The following POC1A variants were observed in gnomAD, a reference collection of about 807,000 sequenced individuals.
The protein encoded by POC1A is POC1 centriolar protein homolog A.
POC1A carries 34 observed loss-of-function variants against 47.8 expected under a neutral mutation model. That is an observed-to-expected ratio of 0.71 (90% confidence interval 0.54 to 0.95). The LOEUF is 0.95. Ranked by LOEUF, POC1A falls within the 40% of genes least tolerant of loss-of-function variation. The pLI is 0.00. For missense variants in POC1A, 466 were observed against 528.3 expected, an observed-to-expected ratio of 0.88 and a Z score of 1.16; for synonymous variants, 177 against 207.6, an observed-to-expected ratio of 0.85 and a Z score of 1.27.
intron 7 of POC1A, among the ~76,000 whole-genome samples, chr3:52,134,980 C>A (rs927704367): frequency 7.9e-5 from 12 of 152,190 alleles, no homozygotes; most frequent in Non-Finnish European, 1.5e-4. Flanking sequence ...CACATCGCCA[C>A]CTCCCAGAAC....
intron 10 of POC1A, among the ~76,000 whole-genome samples, chr3:52,077,017 C>A (rs1245088566): frequency 6.6e-6 from 1 of 152,282 alleles, no homozygotes; most frequent in African/African-American, 2.4e-5. Flanking sequence ...CAAAGAGGGG[C>A]TGGACCAGAG....
intron 7 of POC1A, among the ~76,000 whole-genome samples, chr3:52,131,678 G>A (rs534127925): frequency 2.6e-5 from 4 of 152,326 alleles, no homozygotes; most frequent in Admixed American, 1.3e-4. Flanking sequence ...GGCAGCTGGT[G>A]GGGACACGAG....
At chr3:52,132,649 G>A (rs1704262537) in intron 7 of POC1A, among the ~76,000 whole-genome samples, 1 of 152,166 alleles carries the variant, frequency 6.6e-6, no homozygotes, top group Non-Finnish European at 1.5e-5. Context: ...CAGGACTGCA[G>A]GAGAGAAGCA....
chr3:52,152,970 CAG>C (rs1698604225), intron 1 of POC1A, among the ~76,000 whole-genome samples: 1 of 152,064 alleles, frequency 6.6e-6, no homozygotes, highest in South Asian at 2.1e-4. Context: ...TCTATAGAGA[CAG>C]AAAGTATTAA....
intron 9 of POC1A, among the ~76,000 whole-genome samples, chr3:52,117,759 C>A (rs554613060): frequency 2.6e-4 from 40 of 152,238 alleles, no homozygotes; most frequent in Middle Eastern, 3.4e-3. Flanking sequence ...CCCCACCCAG[C>A]GCAACCTTTC....
intron 9 of POC1A, among the ~76,000 whole-genome samples, chr3:52,113,620 TG>T (rs777692223): frequency 3.9e-5 from 6 of 152,160 alleles, no homozygotes; most frequent in Non-Finnish European, 8.8e-5. Flanking sequence ...GAGAATCGCT[TG>T]AACTCGGGAG....
chr3:52,139,895 A>T (rs1260542635), intron 6 of POC1A, among the ~76,000 whole-genome samples: 1 of 152,208 alleles, frequency 6.6e-6, no homozygotes, highest in Non-Finnish European at 1.5e-5. Context: ...TGCATGGATC[A>T]GCTGTATCAC....
At chr3:52,086,517 C>G (rs1702460566) in intron 10 of POC1A, among the ~76,000 whole-genome samples, 1 of 152,262 alleles carries the variant, frequency 6.6e-6, no homozygotes, top group African/African-American at 2.4e-5. Context: ...CCTACCCTAG[C>G]TCTGCGTTGT....
intron 9 of POC1A, among the ~76,000 whole-genome samples, chr3:52,106,778 C>T (rs1169883586): frequency 6.6e-6 from 1 of 152,228 alleles, no homozygotes; most frequent in African/African-American, 2.4e-5. Context: ...CTCTGTTCTC[C>T]TCACCCAGGC....
chr3:52,129,100 C>T (rs892443411), intron 7 of POC1A, among the ~76,000 whole-genome samples: 2 of 151,852 alleles, frequency 1.3e-5, no homozygotes, highest in African/African-American at 4.8e-5. Context: ...GTCAACATGG[C>T]GAAACCCCAT....
At chr3:52,080,510 T>C (rs1702246822) in intron 10 of POC1A, among the ~76,000 whole-genome samples, 2 of 152,078 alleles carry the variant, frequency 1.3e-5, no homozygotes, top group South Asian at 2.1e-4. Flanking sequence ...CCCCTCACAT[T>C]GTCAGGCCTC....
intron 9 of POC1A, among the ~76,000 whole-genome samples, chr3:52,106,569 G>A (rs1703192033): frequency 6.6e-6 from 1 of 152,170 alleles, no homozygotes; most frequent in Admixed American, 6.5e-5. Context: ...TAAAATGAAG[G>A]ATGGGGAATC....
chr3:52,102,702 CAT>C (rs1703041887), intron 9 of POC1A, among the ~76,000 whole-genome samples: 1 of 152,200 alleles, frequency 6.6e-6, no homozygotes, highest in Non-Finnish European at 1.5e-5. Flanking sequence ...AATCTAACAA[CAT>C]ATGTGCAAAA....
rs184808239 is a variant in POC1A, at chr3:52,133,052, A to C, written c.813+5117T>G. Among the ~76,000 whole-genome samples, 657 of 152,214 alleles carry C rather than the reference A, an allele frequency of 4.3e-3. 16 individuals are homozygous for C. Among genetic ancestry groups the C allele is most frequent in the Non-Finnish European group, 8.2e-4 (56 of 67,982 alleles). ...CAGAGTGAGACTCCATCTCAAAAAA[A>C]AAAAAGAAAGAAAGAAATTGAATCC... is the stretch of plus-strand genomic sequence containing the variant. On this transcript the variant is annotated intron_variant, in intron 7 of 10. Transcript: ENST00000296484.
intron 4 of POC1A, 88 bp downstream of exon 4, chr3:52,149,122 G>A (rs1202797703): frequency 9.0e-6 from 10 of 1,108,204 alleles, no homozygotes; most frequent in African/African-American, 3.1e-5. Flanking sequence ...TAACTTGCCC[G>A]AGGTCATAAG....
intron 9 of POC1A, among the ~76,000 whole-genome samples, chr3:52,097,966 A>G (rs1056219044): frequency 2.8e-4 from 42 of 152,348 alleles, no homozygotes; most frequent in Non-Finnish European, 1.5e-5. Flanking sequence ...CCTTGCCAGG[A>G]GAGACTTCAG....
At chr3:52,076,805 A>G (rs1354944577) in intron 10 of POC1A, among the ~76,000 whole-genome samples, 1 of 152,054 alleles carries the variant, frequency 6.6e-6, no homozygotes, top group Non-Finnish European at 1.5e-5. Context: ...TCTCTTACAC[A>G]CCCAGCACAA....
At chr3:52,083,947 G>C (rs1379307824) in intron 10 of POC1A, among the ~76,000 whole-genome samples, 1 of 152,236 alleles carries the variant, frequency 6.6e-6, no homozygotes, top group Non-Finnish European at 1.5e-5. Flanking sequence ...TCAAGTGGTT[G>C]AGCAGGGAAG....
chr3:52,149,949 T>C lies in POC1A; in HGVS notation c.142A>G (p.Met48Val), dbSNP rs1386595866. The C allele has an allele frequency of 6.2e-7, 1 of 1,613,626 alleles. No homozygotes were observed. The highest frequency in any genetic ancestry group is 8.5e-7 in the Non-Finnish European group (1 of 1,180,008). ...CGGTAGGCGCGTGACTGCGGCTTCA[T>C]GTGCCAGACCATGAGGCATGAGTCC... The part of the protein sequence containing the change: ...SMDSCLMVWH[M>V]KPQSRAYRFT... The change falls in exon 3 of 11, where the codon ATG becomes GTG. Residue 48 changes from methionine to valine, a missense_variant. Transcript: ENST00000296484.
Sources: gnomAD v4.1 joint callset for allele counts (sites outside exome capture counted in the v4.1 genomes callset) on GRCh38, gnomAD v4.1.1 for gene constraint, MANE v1.5 for transcripts, NCBI Gene and HGNC (gene_info 2026-07-23, HGNC 2026-07-21) for gene names.